Variants in DPP6 observed in about 807,000 individuals in gnomAD.
The protein encoded by DPP6 is dipeptidyl peptidase like 6.
In DPP6, 69 loss-of-function variants were observed where a neutral mutation model predicts 122.6. The ratio of observed to expected loss-of-function variants is 0.56; its 90% CI spans 0.46 to 0.69. The LOEUF (loss-of-function observed/expected upper bound fraction) is 0.69. DPP6 is among the 30% of genes least tolerant of loss of function. The pLI, the probability that DPP6 is intolerant of heterozygous loss-of-function variation, is 0.00. For synonymous variants in DPP6, 418 were observed against 433.1 expected (o/e 0.97, Z 0.43); for missense variants, 928 against 1,116.9 (o/e 0.83, Z 2.41).
In DPP6 at chr7:154,855,037, C is replaced by T. The variant is rs184583345; in HGVS notation, c.1714+1210C>T. 2.0e-4 allele frequency among the ~76,000 whole-genome samples: 31 copies of T among 152,132 alleles called. No individual in the cohort carries two copies. The East Asian group carries it at 4.7e-3, about 23-fold the overall frequency. The stretch of plus-strand genomic sequence containing the variant: ...GTCTCCAGTGACCATCGAGCATCAG[C>T]GGCTCCCTGATTCCTATCTCTGTGG... On this transcript the variant is annotated intron_variant, in intron 17 of 25. Transcript: ENST00000377770.
chr7:153,941,331 C>T (rs1163613119), intron 1 of DPP6, among the ~76,000 whole-genome samples: 2 of 152,212 alleles, frequency 1.3e-5, no homozygotes, highest in Non-Finnish European at 2.9e-5. Context: ...ATGGCATTTT[C>T]TCTAAAGCAA....
At chr7:153,968,170 C>G (rs1447499445) in intron 1 of DPP6, among the ~76,000 whole-genome samples, 1 of 150,056 alleles carries the variant, frequency 6.7e-6, no homozygotes, top group African/African-American at 2.5e-5. Context: ...CTCCCACTGA[C>G]AGTGTGTGAG....
intron 5 of DPP6, among the ~76,000 whole-genome samples, chr7:154,586,644 A>G (rs907298901): frequency 6.6e-6 from 1 of 152,168 alleles, no homozygotes; most frequent in African/African-American, 2.4e-5. Context: ...TAGATTAGCT[A>G]AGCCAGAAAA....
chr7:153,905,538 C>T (rs1799813957), intron 1 of DPP6, among the ~76,000 whole-genome samples: 1 of 151,992 alleles, frequency 6.6e-6, no homozygotes, highest in African/African-American at 2.4e-5. Context: ...AGATGGTTCT[C>T]TCACATTGTC....
intron 16 of DPP6, among the ~76,000 whole-genome samples, chr7:154,839,978 G>A (rs142607435): frequency 2.0e-5 from 3 of 152,282 alleles, no homozygotes; most frequent in Admixed American, 6.5e-5. Context: ...GGAGATGGGA[G>A]GTATTTAGCA....
chr7:153,997,676 A>G (rs1011791247), intron 1 of DPP6, among the ~76,000 whole-genome samples: 8 of 149,310 alleles, frequency 5.4e-5, no homozygotes, highest in Middle Eastern at 3.4e-3. Flanking sequence ...TAAGCACACA[A>G]AAATTAAGGC....
the DPP6 span, among the ~76,000 whole-genome samples, chr7:153,756,883 A>G: frequency 6.6e-6 from 1 of 152,124 alleles, no homozygotes; most frequent in Non-Finnish European, 1.5e-5. Flanking sequence ...AATACATAAA[A>G]TGAATCTAAG....
chr7:154,222,611 C>T (rs1278050724), intron 1 of DPP6, among the ~76,000 whole-genome samples: 1 of 149,214 alleles, frequency 6.7e-6, no homozygotes, highest in East Asian at 1.9e-4. Context: ...GCCGAGATCA[C>T]ACCATTGTAC....
At chr7:154,822,707 A>G (rs937678086) in intron 16 of DPP6, among the ~76,000 whole-genome samples, 3 of 152,086 alleles carry the variant, frequency 2.0e-5, no homozygotes, top group Admixed American at 2.0e-4. Flanking sequence ...CTGCTCACAG[A>G]TGCCTCCCTG....
At chr7:153,851,619 T>G in the DPP6 span, among the ~76,000 whole-genome samples, 2 of 152,200 alleles carry the variant, frequency 1.3e-5, no homozygotes, top group Admixed American at 6.5e-5. Context: ...TTTTGTTTTA[T>G]ATTACTTATA....
At chr7:154,882,658 GT>G (rs1201283967) in intron 21 of DPP6, among the ~76,000 whole-genome samples, 1 of 152,082 alleles carries the variant, frequency 6.6e-6, no homozygotes, top group Non-Finnish European at 1.5e-5. Context: ...ATGTTCTGCA[GT>G]TTCCCCCCCG....
chr7:154,753,293 C>T (rs561128301), intron 8 of DPP6, among the ~76,000 whole-genome samples: 34 of 152,144 alleles, frequency 2.2e-4, no homozygotes, highest in African/African-American at 7.7e-4. Context: ...AAAGGGTGCC[C>T]GGTGACCCTT....
At chr7:154,297,063 G>GTTTTT (rs34506058) in intron 1 of DPP6, among the ~76,000 whole-genome samples, 21 of 125,228 alleles carry the variant, frequency 1.7e-4, no homozygotes, top group East Asian at 4.6e-4. Context: ...AATGTATTCT[G>GTTTTT]TTTTTTTTTT....
intron 2 of DPP6, among the ~76,000 whole-genome samples, chr7:154,453,665 G>T (rs2151303060): frequency 6.6e-6 from 1 of 152,084 alleles, no homozygotes. Flanking sequence ...GCAGAATGCA[G>T]CCAGCATCCG....
chr7:154,274,849 A>G (rs548938769), intron 1 of DPP6, among the ~76,000 whole-genome samples: 22 of 152,316 alleles, frequency 1.4e-4, no homozygotes, highest in African/African-American at 5.1e-4. Flanking sequence ...AAATGTCAGG[A>G]ATAATTTTTT....
At chr7:154,580,444 CA>C (rs1168342026) in intron 5 of DPP6, among the ~76,000 whole-genome samples, 1 of 152,168 alleles carries the variant, frequency 6.6e-6, no homozygotes, top group African/African-American at 2.4e-5. Context: ...GTAATTCCAA[CA>C]GACAAAGACG....
the DPP6 span, among the ~76,000 whole-genome samples, chr7:153,861,839 A>G: frequency 2.0e-5 from 3 of 152,210 alleles, no homozygotes; most frequent in African/African-American, 7.2e-5. Context: ...GAGCTCCTCA[A>G]TGTAGACAGA....
At chr7:154,371,373 T>C in intron 1 of DPP6, among the ~76,000 whole-genome samples, 1 of 50,400 alleles carries the variant, frequency 2.0e-5, no homozygotes, top group African/African-American at 8.1e-5. Context: ...AGTGAAACTC[T>C]GTCTCAAAAA....
intron 7 of DPP6, among the ~76,000 whole-genome samples, chr7:154,678,416 G>A (rs1381024524): frequency 6.6e-6 from 1 of 152,010 alleles, no homozygotes; most frequent in Non-Finnish European, 1.5e-5. Flanking sequence ...CCACAGGGAA[G>A]AACAAACAAC....
Sources: gnomAD v4.1 joint callset for allele counts (sites outside exome capture counted in the v4.1 genomes callset) on GRCh38, gnomAD v4.1.1 for gene constraint, MANE v1.5 for transcripts, NCBI Gene and HGNC (gene_info 2026-07-23, HGNC 2026-07-21) for gene names.